Variants in LRP1B observed in about 807,000 individuals in gnomAD.
The protein encoded by LRP1B is low-density lipoprotein receptor-related protein 1B.
Under a neutral mutation model 556.6 loss-of-function variants are expected in LRP1B, and 217 were observed. The observed-to-expected ratio is 0.39, with a 90% CI of 0.35 to 0.44. LRP1B has a LOEUF of 0.44. LRP1B is among the 20% of genes least tolerant of loss of function. The pLI, the probability that LRP1B is intolerant of heterozygous loss-of-function variation, is 1.00. For synonymous variants in LRP1B, 2,047 were observed against 1,865.8 expected (o/e 1.10, Z -2.50); for missense variants, 5,053 against 5,620.8 (o/e 0.90, Z 3.23).
At chr2:140,248,800 A>C (rs1681280638) in intron 86 of LRP1B, among the ~76,000 whole-genome samples, 1 of 151,412 alleles carries the variant, frequency 6.6e-6, no homozygotes, top group Non-Finnish European at 1.5e-5. Context: ...CATTTTGCAA[A>C]CATGTTCTTG....
At position 141,048,975 on chromosome 2, in the gene LRP1B, G is replaced by A. The variant is rs756969655; in HGVS notation, c.1789+11C>T. 10 of 1,582,678 alleles carry A rather than the reference G, an allele frequency of 6.3e-6. No homozygotes were observed. The highest frequency in any genetic ancestry group is 8.7e-7 in the Non-Finnish European group (1 of 1,151,758). Reference sequence around the variant, plus strand: ...TGGGTAGTTTGATGTTAATGTCACAGTGTCACTTACCATCTTTCAGGATGG... The same window carrying A: ...TGGGTAGTTTGATGTTAATGTCACAATGTCACTTACCATCTTTCAGGATGG... On this transcript the variant is annotated intron_variant, in intron 11 of 90. Transcript: ENST00000389484.
intron 1 of LRP1B, among the ~76,000 whole-genome samples, chr2:141,906,369 A>T (rs985243464): frequency 6.6e-6 from 1 of 151,994 alleles, no homozygotes; most frequent in Non-Finnish European, 1.5e-5. Context: ...AATTCACCAT[A>T]CTGGATTATG....
intron 1 of LRP1B, among the ~76,000 whole-genome samples, chr2:142,092,631 T>TGTGTGTGTGA (rs1491405990): frequency 1.6e-5 from 2 of 125,368 alleles, no homozygotes; most frequent in African/African-American, 7.4e-5. Flanking sequence ...TAAGGAGATT[T>TGTGTGTGTGA]GTGTGTGTGT....
chr2:141,857,097 C>T (rs1304676123), intron 1 of LRP1B, among the ~76,000 whole-genome samples: 2 of 152,066 alleles, frequency 1.3e-5, no homozygotes, highest in Non-Finnish European at 2.9e-5. Context: ...TGTATAATAG[C>T]CATTCCACTA....
intron 3 of LRP1B, among the ~76,000 whole-genome samples, chr2:141,380,719 T>TC (rs944277497): frequency 6.6e-6 from 1 of 152,182 alleles, no homozygotes; most frequent in Non-Finnish European, 1.5e-5. Context: ...CCCAGCTTTT[T>TC]CCCCGAGGAG....
At chr2:140,864,698 T>C (rs2105147165) in intron 27 of LRP1B, among the ~76,000 whole-genome samples, 1 of 152,194 alleles carries the variant, frequency 6.6e-6, no homozygotes, top group South Asian at 2.1e-4. Flanking sequence ...AATAGTTGTA[T>C]TTTACTGATA....
At chr2:141,268,189 A>C (rs1330944152) in intron 3 of LRP1B, among the ~76,000 whole-genome samples, 1 of 152,214 alleles carries the variant, frequency 6.6e-6, no homozygotes, top group Non-Finnish European at 1.5e-5. Flanking sequence ...TAAATGTAAC[A>C]ACTGAACATA....
At chr2:141,483,949 C>T (rs1391754294) in intron 2 of LRP1B, among the ~76,000 whole-genome samples, 5 of 151,562 alleles carry the variant, frequency 3.3e-5, no homozygotes, top group Non-Finnish European at 7.4e-5. Context: ...TTTTGCTGTG[C>T]AGAAGCTCTT....
chr2:142,015,603 G>A (rs1177451005), intron 1 of LRP1B, among the ~76,000 whole-genome samples: 1 of 152,122 alleles, frequency 6.6e-6, no homozygotes, highest in Non-Finnish European at 1.5e-5. Context: ...CAGAATGAGA[G>A]AAAATTTTTG....
intron 35 of LRP1B, among the ~76,000 whole-genome samples, chr2:140,761,750 A>G (rs1367845838): frequency 6.6e-6 from 1 of 152,098 alleles, no homozygotes; most frequent in African/African-American, 2.4e-5. Flanking sequence ...ATGAGACCAC[A>G]TCTCTGTGCA....
At chr2:142,043,210 AT>A (rs1704123106) in intron 1 of LRP1B, among the ~76,000 whole-genome samples, 1 of 151,624 alleles carries the variant, frequency 6.6e-6, no homozygotes, top group Non-Finnish European at 1.5e-5. Flanking sequence ...ATTTTTCAAT[AT>A]CCAGATACAT....
chr2:140,720,428 A>G (rs1687360216), intron 35 of LRP1B, among the ~76,000 whole-genome samples: 3 of 152,148 alleles, frequency 2.0e-5, no homozygotes, highest in East Asian at 1.9e-4. Flanking sequence ...AAGAATTACC[A>G]TATAGGGAAA....
chr2:141,842,925 C>T (rs1697525674), intron 1 of LRP1B, among the ~76,000 whole-genome samples: 1 of 152,044 alleles, frequency 6.6e-6, no homozygotes. Flanking sequence ...CAAATAAATA[C>T]TTCAAGTAAA....
intron 2 of LRP1B, among the ~76,000 whole-genome samples, chr2:141,734,679 C>G (rs186367848): frequency 6.6e-6 from 1 of 152,108 alleles, no homozygotes; most frequent in Admixed American, 6.6e-5. Context: ...TTAAGGGCCT[C>G]TCTGCCTGTC....
intron 41 of LRP1B, among the ~76,000 whole-genome samples, chr2:140,633,425 A>C (rs1441600236): frequency 6.6e-6 from 1 of 152,170 alleles, no homozygotes; most frequent in African/African-American, 2.4e-5. Context: ...AAATCAGAGA[A>C]GGAAGAGCAA....
intron 66 of LRP1B, among the ~76,000 whole-genome samples, chr2:140,403,321 T>C (rs1684588926): frequency 6.6e-6 from 1 of 152,110 alleles, no homozygotes; most frequent in Non-Finnish European, 1.5e-5. Context: ...CAGAAGGTTG[T>C]TTATTAAGCT....
chr2:141,827,279 A>G (rs1030407521), intron 1 of LRP1B, among the ~76,000 whole-genome samples: 1 of 152,208 alleles, frequency 6.6e-6, no homozygotes, highest in Non-Finnish European at 1.5e-5. Flanking sequence ...ATTTTTAGAA[A>G]TATCTTTGCC....
chr2:142,086,972 C>T (rs991615198), intron 1 of LRP1B, among the ~76,000 whole-genome samples: 1 of 151,952 alleles, frequency 6.6e-6, no homozygotes, highest in Non-Finnish European at 1.5e-5. Context: ...TTTGCCTAAT[C>T]TGATTAATTT....
chr2:142,011,347 TACTC>T (rs754670837), intron 1 of LRP1B, among the ~76,000 whole-genome samples: 8 of 152,212 alleles, frequency 5.3e-5, no homozygotes, highest in Non-Finnish European at 1.2e-4. Flanking sequence ...GCAGTTTTAA[TACTC>T]AATCATTTCT....
Sources: gnomAD v4.1 joint callset for allele counts (sites outside exome capture counted in the v4.1 genomes callset) on GRCh38, gnomAD v4.1.1 for gene constraint, MANE v1.5 for transcripts, NCBI Gene and HGNC (gene_info 2026-07-23, HGNC 2026-07-21) for gene names.